TGFBI: variants seen among roughly 807,000 people sequenced by gnomAD.
The protein encoded by TGFBI is transforming growth factor beta induced.
Under a neutral mutation model 73.7 loss-of-function variants are expected in TGFBI, and 50 were observed. The ratio of observed to expected loss-of-function variants is 0.68; its 90% CI spans 0.54 to 0.86. TGFBI has a LOEUF of 0.86. TGFBI is among the 40% of genes least tolerant of loss of function. The pLI is 0.00. For synonymous variants in TGFBI, 362 were observed against 360.5 expected, an observed-to-expected ratio of 1.00 and a Z score of -0.05; for missense variants, 839 against 877.0, an observed-to-expected ratio of 0.96 and a Z score of 0.55.
At chr5:136,043,105 T>C (rs953856023) in intron 2 of TGFBI, among the ~76,000 whole-genome samples, 4 of 152,240 alleles carry the variant, frequency 2.6e-5, no homozygotes, top group Non-Finnish European at 5.9e-5. Flanking sequence ...AAGGACTGGC[T>C]GTTTGCATTT....
intron 9 of TGFBI, 124 bp downstream of exon 9, chr5:136,054,204 C>T (rs80030369): frequency 5.2e-6 from 7 of 1,338,636 alleles, no homozygotes; most frequent in African/African-American, 1.5e-5. Flanking sequence ...CTCAGCTCAA[C>T]CAAAAGCAGA....
At position 136,029,060 on chromosome 5, in the gene TGFBI, C is replaced by A. The variant is rs961237698; in HGVS notation, c.5C>A (p.Ala2Glu). Residue 2 changes from alanine to glutamate, a missense_variant, in exon 1 of 17, where the codon GCG becomes GAG. Transcript: ENST00000442011. The stretch of plus-strand genomic sequence containing the variant: ...CGGTGCGCGTCGTCCCGCTCCATGG[C>A]GCTCTTCGTGCGGCTGCTGGCTCTC... Reference protein sequence around the residue: MALFVRLLALAL... With the variant: MELFVRLLALAL... The A allele has an allele frequency of 2.0e-6, 3 of 1,527,508 alleles. No homozygotes were observed. Among genetic ancestry groups the A allele is most frequent in the Non-Finnish European group, 2.6e-6 (3 of 1,144,106 alleles). The allele number at this position is 1,527,508 out of a possible 1,614,324, so 94.6% of individuals were successfully genotyped here. A position where few individuals can be genotyped will look rare whatever the true frequency, so the allele number is the denominator to read the frequency against.
chr5:136,060,774 A>G, intron 13 of TGFBI, 60 bp from the exon 14 acceptor site: 8 of 1,274,894 alleles, frequency 6.3e-6, no homozygotes, highest in Non-Finnish European at 8.6e-6. Flanking sequence ...TGAATAAAAT[A>G]AATATATAAA....
intron 3 of TGFBI, among the ~76,000 whole-genome samples, chr5:136,045,476 C>T (rs1157784930): frequency 1.3e-5 from 2 of 151,922 alleles, no homozygotes; most frequent in African/African-American, 2.4e-5. Flanking sequence ...ATCCAGGAGG[C>T]GGAGGTTGCA....
chr5:136,056,653 G>C lies in TGFBI; in HGVS notation c.1548-12G>C, dbSNP rs770235053. 5 of 1,613,872 alleles carry C rather than the reference G, an allele frequency of 3.1e-6. No individual in the cohort carries two copies. In the Admixed American group the frequency reaches 8.3e-5, roughly 27 times the overall value. Reference sequence around the variant, plus strand: ...TGTTGACAGGTGACATTTTCTGTGTGTGTATCTACAGCATGCTGGTAGCTG... The same window carrying C: ...TGTTGACAGGTGACATTTTCTGTGTCTGTATCTACAGCATGCTGGTAGCTG... On this transcript the variant is annotated splice_polypyrimidine_tract_variant and intron_variant, in intron 11 of 16. Transcript: ENST00000442011.
chr5:136,044,818 G>A (rs923963673), intron 3 of TGFBI: 3 of 152,180 alleles, frequency 2.0e-5, no homozygotes, highest in African/African-American at 4.8e-5. Flanking sequence ...TTGATTCTAG[G>A]ACCCATTCTA....
At position 136,046,365 on chromosome 5, in the gene TGFBI, T is replaced by C. The variant is rs1580714189; in HGVS notation, c.329T>C (p.Leu110Pro). ...ALPLSNLYET[L>P]GVVGSTTTQL... is the part of the protein sequence containing the mutation. Reference sequence around the variant, plus strand: ...CCACTCTCAAACCTTTACGAGACCCTGGGAGTCGTTGGATCCACCACCACT... The same window carrying C: ...CCACTCTCAAACCTTTACGAGACCCCGGGAGTCGTTGGATCCACCACCACT... Residue 110 changes from leucine (L) to proline (P), a missense_variant, in exon 4 of 17, where the codon CTG becomes CCG. Leu to Pro is a moderately conservative substitution (Grantham distance 98). Transcript: ENST00000442011. 2 of 1,613,948 alleles carry C rather than the reference T, an allele frequency of 1.2e-6. No individual in the cohort carries two copies. The highest frequency in any genetic ancestry group is 8.5e-7 in the Non-Finnish European group (1 of 1,179,878).
chr5:136,045,307 C>T (rs1751408994), intron 3 of TGFBI, among the ~76,000 whole-genome samples: 1 of 152,104 alleles, frequency 6.6e-6, no homozygotes, highest in South Asian at 2.1e-4. Context: ...CTTTGGGAGG[C>T]CAAGGCAGGT....
chr5:136,049,343 C>T lies in TGFBI; in HGVS notation c.772-96C>T, dbSNP rs45493897. On this transcript the variant is annotated intron_variant, in intron 6 of 16. Transcript: ENST00000442011. ...TCGTCTTGGGCTTCTGTGAAAGCCTCGAGCCCTTGCGGGGAACCAGTGAAG... is the reference window on the plus strand; with the variant it reads ...TCGTCTTGGGCTTCTGTGAAAGCCTTGAGCCCTTGCGGGGAACCAGTGAAG... 1.9e-3 allele frequency: 2,768 copies of T among 1,483,824 alleles called. 39 individuals carry two copies. In the African/African-American group the frequency reaches 0.033, roughly 18 times the overall value. The allele number at this position is 1,483,824 out of a possible 1,614,324, so 91.9% of individuals were successfully genotyped here.
At chr5:136,046,733 T>C (rs1751435728) in intron 4 of TGFBI, 118 bp from the exon 5 acceptor site, 2 of 1,367,524 alleles carry the variant, frequency 1.5e-6, no homozygotes, top group South Asian at 1.5e-5. Context: ...GAGGGATCCT[T>C]GGCAGAAGAG....
chr5:136,061,213 T>C (rs1751742013), intron 14 of TGFBI: 3 of 573,282 alleles, frequency 5.2e-6, no homozygotes, highest in Non-Finnish European at 9.3e-6. Context: ...GTGGATGCTG[T>C]CCGCGCGATT....
chr5:136,039,139 G>C (rs1172040630), intron 2 of TGFBI, among the ~76,000 whole-genome samples: 1 of 152,176 alleles, frequency 6.6e-6, no homozygotes, highest in Non-Finnish European at 1.5e-5. Flanking sequence ...GTTTATATCT[G>C]GAGTTTCTTT....
At chr5:136,031,164 T>A (rs1438285818) in intron 1 of TGFBI, among the ~76,000 whole-genome samples, 1 of 152,180 alleles carries the variant, frequency 6.6e-6, no homozygotes, top group African/African-American at 2.4e-5. Context: ...CCCAGTAGAA[T>A]CTGGATGCGC....
chr5:136,062,830 G>A, intron 16 of TGFBI, 143 bp downstream of exon 16: 1 of 865,128 alleles, frequency 1.2e-6, no homozygotes, highest in South Asian at 1.8e-5. Context: ...AGAACAGCAG[G>A]GTGACTTGGG....
chr5:136,033,653 C>T (rs1443377138), intron 1 of TGFBI, 110 bp from the exon 2 acceptor site: 2 of 840,502 alleles, frequency 2.4e-6, no homozygotes, highest in Non-Finnish European at 3.9e-6. Flanking sequence ...ATGACTCTCT[C>T]CTCTATCTCT....
chr5:136,046,522 G>C (rs373028294), intron 4 of TGFBI, 27 bp downstream of exon 4: 56 of 1,578,526 alleles, frequency 3.5e-5, no homozygotes, highest in Non-Finnish European at 4.7e-5. Flanking sequence ...CTGCCCGGGG[G>C]ACTCTTATGG....
chr5:136,043,785 A>G (rs2126907608), intron 2 of TGFBI, among the ~76,000 whole-genome samples: 1 of 152,346 alleles, frequency 6.6e-6, no homozygotes, highest in East Asian at 1.9e-4. Context: ...TAGTCACAAC[A>G]TTGACTAGGC....
chr5:136,043,956 C>A, intron 2 of TGFBI, 102 bp from the exon 3 acceptor site: 1 of 914,050 alleles, frequency 1.1e-6, no homozygotes, highest in Non-Finnish European at 1.8e-6. Context: ...ACCCACCATT[C>A]CTCTTCCTTG....
chr5:136,046,517 CG>C, intron 4 of TGFBI, 22 bp downstream of exon 4: 1 of 1,584,708 alleles, frequency 6.3e-7, no homozygotes, highest in Admixed American at 1.8e-5. Context: ...TCCGTCTGCC[CG>C]GGGGACTCTT....
Sources: allele counts gnomAD v4.1 joint callset (sites outside exome capture counted in the v4.1 genomes callset), GRCh38; gene constraint gnomAD v4.1.1; transcripts MANE v1.5; gene names NCBI Gene and HGNC (gene_info 2026-07-23, HGNC 2026-07-21).